RPS6KC1: variants seen among roughly 807,000 people sequenced by gnomAD.
The protein encoded by RPS6KC1 is inactive ribosomal protein S6 kinase delta-1.
A neutral mutation model predicts 103.8 loss-of-function variants in RPS6KC1; 54 were observed. The observed-to-expected ratio is 0.52, with a 90% CI of 0.42 to 0.65. RPS6KC1 has a LOEUF of 0.65. RPS6KC1 is among the 30% of genes least tolerant of loss of function. RPS6KC1 has a pLI of 0.00. For synonymous variants in RPS6KC1, 439 were observed against 438.7 expected, an observed-to-expected ratio of 1.00 and a Z score of -0.01; for missense variants, 1,151 against 1,253.8, an observed-to-expected ratio of 0.92 and a Z score of 1.24.
At chr1:213,534,320 A>G in the RPS6KC1 span, among the ~76,000 whole-genome samples, 1 of 152,246 alleles carries the variant, frequency 6.6e-6, no homozygotes, top group Non-Finnish European at 1.5e-5. Flanking sequence ...TGAAGATCAT[A>G]AAAGCTAACA....
the RPS6KC1 span, among the ~76,000 whole-genome samples, chr1:213,836,478 C>G: frequency 6.6e-6 from 1 of 151,976 alleles, no homozygotes; most frequent in Middle Eastern, 3.2e-3. Context: ...GACTCTTCAT[C>G]TCCTTCCTCT....
the RPS6KC1 span, among the ~76,000 whole-genome samples, chr1:213,772,862 C>T: frequency 6.6e-6 from 1 of 152,224 alleles, no homozygotes; most frequent in Non-Finnish European, 1.5e-5. Flanking sequence ...TGGTTTCCTT[C>T]TGTTCTCTCT....
chr1:213,145,528 G>A lies in RPS6KC1; in HGVS notation c.835+15639G>A, dbSNP rs575092405. ...GGGGAAACTACTCGAGACCAAAAAA[G>A]ATATCCCAAAAGGATTACGAGACAC... On this transcript the variant is annotated intron_variant, in intron 6 of 14. Coordinates refer to ENST00000366960, the MANE Select transcript of RPS6KC1 (RefSeq NM_012424.6). Among the ~76,000 whole-genome samples, 24 of 152,148 alleles carry A rather than the reference G, an allele frequency of 1.6e-4. 1 individual carries two copies. In the Admixed American group the frequency reaches 1.6e-3, roughly 10 times the overall value.
intron 4 of RPS6KC1, among the ~76,000 whole-genome samples, chr1:213,113,897 C>T (rs1364579947): frequency 2.6e-5 from 4 of 152,160 alleles, no homozygotes; most frequent in African/African-American, 9.6e-5. Flanking sequence ...TCTGAGGGCT[C>T]TGTTCTGTTC....
At chr1:213,127,585 T>C (rs2085124048) in intron 5 of RPS6KC1, among the ~76,000 whole-genome samples, 1 of 152,100 alleles carries the variant, frequency 6.6e-6, no homozygotes, top group Admixed American at 6.6e-5. Flanking sequence ...AAACTGTCAT[T>C]ATTCAGACTT....
chr1:213,700,140 A>G, the RPS6KC1 span, among the ~76,000 whole-genome samples: 8 of 151,874 alleles, frequency 5.3e-5, no homozygotes, highest in East Asian at 1.5e-3. Flanking sequence ...CATATCTCGG[A>G]GGGTTTCTCC....
At chr1:213,340,285 T>G in the RPS6KC1 span, among the ~76,000 whole-genome samples, 1 of 152,202 alleles carries the variant, frequency 6.6e-6, no homozygotes, top group Non-Finnish European at 1.5e-5. Flanking sequence ...AAGTCCTTGT[T>G]TTTTCCAGAG....
the RPS6KC1 span, among the ~76,000 whole-genome samples, chr1:213,315,512 A>T: frequency 6.6e-6 from 1 of 152,252 alleles, no homozygotes; most frequent in South Asian, 2.1e-4. Flanking sequence ...AAGAAGCATT[A>T]TTTGTTTTTT....
the RPS6KC1 span, among the ~76,000 whole-genome samples, chr1:213,561,703 T>G: frequency 6.6e-5 from 10 of 152,168 alleles, no homozygotes; most frequent in African/African-American, 2.4e-4. Flanking sequence ...TTTTTGGTAT[T>G]TGGGTCCCCC....
rs910119271 is a variant in RPS6KC1 at position 213,210,531 on chromosome 1, A to G, written c.1045-19966A>G. Among the ~76,000 whole-genome samples, 3 of 152,338 alleles carry G rather than the reference A, an allele frequency of 2.0e-5. No homozygotes were observed. The East Asian group carries it at 5.8e-4, about 29-fold the overall frequency. On this transcript the variant is annotated intron_variant, in intron 8 of 14. Transcript: ENST00000366960. ...GAGTGTACCTGTAGACTGTTGACAGAATACTTTGTTGCAGTCGATGAACTT... is the reference window on the plus strand; with the variant it reads ...GAGTGTACCTGTAGACTGTTGACAGGATACTTTGTTGCAGTCGATGAACTT...
At chr1:213,310,847 C>T in the RPS6KC1 span, among the ~76,000 whole-genome samples, 1 of 152,282 alleles carries the variant, frequency 6.6e-6, no homozygotes, top group African/African-American at 2.4e-5. Context: ...GCTGGTGGCA[C>T]GTGTTTCTGG....
At chr1:213,064,355 C>T (rs2078105641) in intron 1 of RPS6KC1, among the ~76,000 whole-genome samples, 1 of 150,898 alleles carries the variant, frequency 6.6e-6, no homozygotes, top group Admixed American at 6.6e-5. Flanking sequence ...CTGGGCCCGG[C>T]CAAATTTGTG....
At chr1:213,189,062 T>C (rs981612250) in intron 8 of RPS6KC1, among the ~76,000 whole-genome samples, 1 of 152,198 alleles carries the variant, frequency 6.6e-6, no homozygotes, top group Non-Finnish European at 1.5e-5. Flanking sequence ...ATATGGCTAA[T>C]TGATTTTTGA....
chr1:213,640,258 C>T, the RPS6KC1 span, among the ~76,000 whole-genome samples: 1 of 151,756 alleles, frequency 6.6e-6, no homozygotes. Context: ...CTATTTCATT[C>T]CTGATATTGG....
the RPS6KC1 span, among the ~76,000 whole-genome samples, chr1:213,342,491 G>A: frequency 1.3e-5 from 2 of 152,276 alleles, no homozygotes; most frequent in African/African-American, 4.8e-5. Context: ...AATAGGAAAG[G>A]GCTCTTAGTA....
chr1:213,684,100 T>G, the RPS6KC1 span, among the ~76,000 whole-genome samples: 13 of 152,254 alleles, frequency 8.5e-5, no homozygotes, highest in South Asian at 2.7e-3. Context: ...TGCTTACTAT[T>G]CCCTGTACAC....
the RPS6KC1 span, among the ~76,000 whole-genome samples, chr1:213,646,882 C>CATGTATAT: frequency 6.8e-6 from 1 of 147,080 alleles, no homozygotes; most frequent in Non-Finnish European, 1.5e-5. Context: ...TGTGTGTATG[C>CATGTATAT]ATATATATAT....
the RPS6KC1 span, among the ~76,000 whole-genome samples, chr1:213,815,106 G>T: frequency 2.0e-4 from 31 of 152,260 alleles, no homozygotes; most frequent in African/African-American, 7.2e-4. Flanking sequence ...TCGTGATAGT[G>T]AGTGAGTTCT....
chr1:213,275,398 A>G (rs536189182), downstream of RPS6KC1, among the ~76,000 whole-genome samples: 12 of 152,286 alleles, frequency 7.9e-5, no homozygotes, highest in Middle Eastern at 6.8e-3. Context: ...TAGATTGCAA[A>G]TGCCATTATG....
Sources: gnomAD v4.1 joint callset for allele counts (sites outside exome capture counted in the v4.1 genomes callset) on GRCh38, gnomAD v4.1.1 for gene constraint, MANE v1.5 for transcripts, NCBI Gene and HGNC (gene_info 2026-07-23, HGNC 2026-07-21) for gene names.